Variants in PFKP observed in about 807,000 individuals in gnomAD.
PFKP encodes the protein ATP-dependent 6-phosphofructokinase, platelet type.
Under a neutral mutation model 94.3 loss-of-function variants are expected in PFKP, and 101 were observed. The observed-to-expected ratio is 1.07, with a 90% CI of 0.91 to 1.26. The LOEUF is 1.26. Ranked by LOEUF, PFKP falls within the 50% of genes most tolerant of loss-of-function variation. PFKP has a pLI of 0.00. For missense variants in PFKP, 1,145 were observed against 1,103.3 expected (o/e 1.04, Z -0.53); for synonymous variants, 573 against 432.6 (o/e 1.32, Z -4.03).
chr10:3,082,517 C>A, intron 2 of PFKP, 56 bp downstream of exon 2: 4 of 1,306,964 alleles, frequency 3.1e-6, no homozygotes, highest in Admixed American at 1.9e-5. Context: ...CAGAGCCCTG[C>A]AGTCACCGGC....
intron 1 of PFKP, among the ~76,000 whole-genome samples, chr10:3,078,520 A>G (rs570478871): frequency 2.4e-4 from 36 of 152,320 alleles, no homozygotes; most frequent in Middle Eastern, 3.4e-3. Context: ...CAATTAAATG[A>G]GCATCTGGCC....
intron 16 of PFKP, among the ~76,000 whole-genome samples, chr10:3,128,172 G>T (rs11251736): frequency 6.6e-6 from 1 of 151,906 alleles, no homozygotes; most frequent in Non-Finnish European, 1.5e-5. Context: ...CGCCTGCTGT[G>T]GGGGCTCGGC....
chr10:3,115,169 C>T (rs754401296), intron 13 of PFKP, among the ~76,000 whole-genome samples: 30 of 152,208 alleles, frequency 2.0e-4, no homozygotes, highest in Non-Finnish European at 3.7e-4. Flanking sequence ...AGCCCTGAGA[C>T]ACACTTCTTG....
chr10:3,118,024 G>C (rs1837006005), intron 14 of PFKP, among the ~76,000 whole-genome samples: 1 of 152,220 alleles, frequency 6.6e-6, no homozygotes, highest in African/African-American at 2.4e-5. Context: ...GGGATCCAGG[G>C]AGGGGCACAG....
chr10:3,105,570 T>TG, intron 7 of PFKP, 69 bp downstream of exon 7: 1 of 1,104,440 alleles, frequency 9.1e-7, no homozygotes. Context: ...GGATCCCAAG[T>TG]GGGACGGCAT....
At chr10:3,112,158 T>C in intron 10 of PFKP, 64 bp from the exon 11 acceptor site, 1 of 1,334,486 alleles carries the variant, frequency 7.5e-7, no homozygotes, top group Non-Finnish European at 1.1e-6. Flanking sequence ...AGTCTCTACC[T>C]ACCCCATCCA....
At chr10:3,116,973 A>G in intron 14 of PFKP, 127 bp downstream of exon 14, 2 of 769,292 alleles carry the variant, frequency 2.6e-6, no homozygotes, top group South Asian at 1.5e-5. Flanking sequence ...GGAGGGGTGC[A>G]GGCAGTTACC....
At chr10:3,125,274 T>C (rs1406552870) in intron 16 of PFKP, 6 of 1,260,198 alleles carry the variant, frequency 4.8e-6, no homozygotes, top group Non-Finnish European at 6.2e-6. Flanking sequence ...TTTCCTCTCA[T>C]TGCTTTTCCG....
intron 2 of PFKP, among the ~76,000 whole-genome samples, chr10:3,095,913 A>G (rs1310869366): frequency 6.6e-6 from 1 of 152,084 alleles, no homozygotes; most frequent in Non-Finnish European, 1.5e-5. Context: ...TGCACTAGAC[A>G]GGGAGCATTG....
intron 2 of PFKP, among the ~76,000 whole-genome samples, chr10:3,089,583 T>A (rs1303067126): frequency 1.3e-5 from 2 of 152,006 alleles, no homozygotes; most frequent in Non-Finnish European, 2.9e-5. Flanking sequence ...AACAATCATC[T>A]CTTTGTGTTA....
intron 1 of PFKP, among the ~76,000 whole-genome samples, chr10:3,079,389 C>T (rs1199162569): frequency 1.3e-5 from 2 of 152,126 alleles, no homozygotes; most frequent in South Asian, 2.1e-4. Context: ...TGCCCGCCAC[C>T]ACGCCTGGCT....
intron 16 of PFKP, among the ~76,000 whole-genome samples, chr10:3,127,365 T>C (rs1230722526): frequency 6.6e-6 from 1 of 152,212 alleles, no homozygotes; most frequent in African/African-American, 2.4e-5. Flanking sequence ...AATCAGCCTC[T>C]TGGGAGAGCT....
At position 3,132,444 on chromosome 10, in the gene PFKP, G is replaced by T; in HGVS notation, c.1910+3G>T. 1.3e-6 allele frequency: 2 copies of T among 1,565,056 alleles called. No homozygotes were observed. The highest frequency in any genetic ancestry group is 1.1e-5 in the South Asian group (1 of 89,702). The stretch of plus-strand genomic sequence containing the variant: ...ATCCAGAGAGGCCTTGTGCTCAGGT[G>T]AGAGAGAGAGACCAGGGGCTGATCT... On this transcript the variant is annotated splice_donor_region_variant and intron_variant, in intron 18 of 21. Transcript: ENST00000381125.
intron 13 of PFKP, among the ~76,000 whole-genome samples, chr10:3,113,741 T>C (rs2131607404): frequency 6.6e-6 from 1 of 152,252 alleles, no homozygotes; most frequent in African/African-American, 2.4e-5. Context: ...TTGAATTTTC[T>C]GAAAAGGTGC....
At position 3,134,854 on chromosome 10, in the gene PFKP, C is replaced by A. The variant is rs151017633; in HGVS notation, c.2122+272C>A. Among the ~76,000 whole-genome samples the A allele has an allele frequency of 2.0e-5, 3 of 152,328 alleles. No individual in the cohort carries two copies. The East Asian group carries it at 5.8e-4, about 29-fold the overall frequency. The stretch of plus-strand genomic sequence containing the variant: ...TGTGCAGGCTTTTTGCTCTAGAGAT[C>A]CTGAACGTTGGCCAGCAATTTCCCC... On this transcript the variant is annotated intron_variant, in intron 20 of 21. Coordinates refer to ENST00000381125, the MANE Select transcript of PFKP (RefSeq NM_002627.5).
At chr10:3,079,294 GCA>G (rs1832838453) in intron 1 of PFKP, among the ~76,000 whole-genome samples, 1 of 151,954 alleles carries the variant, frequency 6.6e-6, no homozygotes, top group Admixed American at 6.5e-5. Flanking sequence ...GAGTGCAGTG[GCA>G]TGATCTCAGC....
intron 16 of PFKP, among the ~76,000 whole-genome samples, chr10:3,124,157 C>G (rs1837700798): frequency 6.6e-6 from 1 of 152,248 alleles, no homozygotes. Context: ...CTGTCCGACT[C>G]TCCCAGGGAG....
intron 16 of PFKP, chr10:3,125,246 T>C (rs750517407): frequency 1.8e-5 from 24 of 1,317,836 alleles, no homozygotes; most frequent in Admixed American, 2.4e-5. Flanking sequence ...ATGCTGTTGT[T>C]GAGGTAAGAG....
intron 1 of PFKP, chr10:3,069,319 A>T (rs1832004654): frequency 1.3e-6 from 2 of 1,566,010 alleles, no homozygotes; most frequent in East Asian, 4.7e-5. Flanking sequence ...AGAGGATGGG[A>T]TTGAAGAAAC....
Sources: allele counts gnomAD v4.1 joint callset (sites outside exome capture counted in the v4.1 genomes callset), GRCh38; gene constraint gnomAD v4.1.1; transcripts MANE v1.5; gene names NCBI Gene and HGNC (gene_info 2026-07-23, HGNC 2026-07-21).